The following MZF1 variants were observed in gnomAD, a reference collection of about 807,000 sequenced individuals.
MZF1 encodes the protein myeloid zinc finger 1, also known as zinc finger and SCAN domain-containing protein 6.
A neutral mutation model predicts 28.6 loss-of-function variants in MZF1; 24 were observed. The observed-to-expected ratio is 0.84, with a 90% CI of 0.61 to 1.18. The LOEUF (loss-of-function observed/expected upper bound fraction) is 1.18, where lower values mean the gene tolerates loss of function less well. Ranked by LOEUF, MZF1 falls within the 50% of genes most tolerant of loss-of-function variation. The pLI, the probability that MZF1 is intolerant of heterozygous loss-of-function variation, is 0.00. For synonymous variants in MZF1, 516 were observed against 432.5 expected (o/e 1.19, Z -2.40); for missense variants, 1,166 against 1,026.4 (o/e 1.14, Z -1.86).
chr19:58,565,661 T>C (rs2054036165), intron 5 of MZF1, among the ~76,000 whole-genome samples: 1 of 151,256 alleles, frequency 6.6e-6, no homozygotes, highest in African/African-American at 2.4e-5. Context: ...GCCACCCGAG[T>C]AGATGGGACT....
Position 58,563,450 on chromosome 19 carries a change from T to C in MZF1, c.827A>G (p.His276Arg). 6.3e-7 allele frequency: 1 copy of C among 1,582,186 alleles called. No homozygotes were observed. Among genetic ancestry groups the C allele is most frequent in the Non-Finnish European group, 8.6e-7 (1 of 1,164,044 alleles). ...ISAGPGSVSP[H>R]LHVPWDLGMA... The stretch of plus-strand genomic sequence containing the variant: ...GCCGAGGTCCCAGGGGACGTGGAGG[T>C]GAGGGCTTACACTACCTGGACCTGC... Residue 276 changes from histidine to arginine, a missense_variant, in exon 6 of 6, where the codon CAC becomes CGC. By Grantham distance (29) the His-to-Arg change is conservative. Transcript: ENST00000215057.
intron 5 of MZF1, among the ~76,000 whole-genome samples, chr19:58,565,540 T>TGTGTGC (rs2054032397): frequency 6.6e-6 from 1 of 150,812 alleles, no homozygotes; most frequent in African/African-American, 2.4e-5. Flanking sequence ...CGTGTGTGTG[T>TGTGTGC]GTGCGCACTT....
intron 5 of MZF1, among the ~76,000 whole-genome samples, chr19:58,566,045 G>A (rs1419577835): frequency 6.6e-6 from 1 of 151,760 alleles, no homozygotes; most frequent in Non-Finnish European, 1.5e-5. Context: ...GGAGGCTGAG[G>A]CAGGAGAATG....
intron 5 of MZF1, among the ~76,000 whole-genome samples, chr19:58,566,771 C>T (rs1002029792): frequency 2.0e-5 from 3 of 151,892 alleles, no homozygotes; most frequent in Non-Finnish European, 2.9e-5. Flanking sequence ...GTCAGGAGTT[C>T]AAGACCAGCC....
rs71190056 is a variant in MZF1, at chr19:58,564,902, G to GTTTTTT, written c.773-1404_773-1399dup. On this transcript the variant is annotated intron_variant, in intron 5 of 5. Transcript: ENST00000215057. ...GTGGAGAATAAGCATCCATGTGTGT[G>GTTTTTT]TTTTTTTTTTTTTTTTTTTTTTTTT... 7.1e-4 allele frequency among the ~76,000 whole-genome samples: 30 copies of GTTTTTT among 41,988 alleles called. 9 individuals are homozygous for GTTTTTT. Among genetic ancestry groups the GTTTTTT allele is most frequent in the East Asian group, 4.2e-3 (3 of 712 alleles). 27.5% of individuals were successfully genotyped at this position (41,988 alleles called of 152,430 possible). A position where few individuals can be genotyped will look rare whatever the true frequency, so the allele number is the denominator to read the frequency against.
Position 58,562,923 on chromosome 19 carries a change from G to T in MZF1, c.1354C>A (p.Arg452Ser). The change falls in exon 6 of 6, where the codon CGC becomes AGC. Residue 452 changes from arginine to serine, a missense_variant. Coordinates refer to ENST00000215057, the MANE Select transcript of MZF1 (RefSeq NM_198055.2). ...CAECGQSFRQ[R>S]SNLLQHQRIH... is the part of the protein sequence containing the mutation. Reference sequence around the variant, plus strand: ...CGCTGGTGCTGCAGCAGATTGGAGCGCTGCCGGAAGCTCTGGCCGCACTCA... The same window carrying T: ...CGCTGGTGCTGCAGCAGATTGGAGCTCTGCCGGAAGCTCTGGCCGCACTCA... 1 of 1,593,460 alleles carries T rather than the reference G, an allele frequency of 6.3e-7. No individual in the cohort carries two copies.
At position 58,570,334 on chromosome 19, in the gene MZF1, A is replaced by G; in HGVS notation, c.580+10T>C. The G allele has an allele frequency of 6.2e-7, 1 of 1,604,944 alleles. No individual in the cohort carries two copies. The highest frequency in any genetic ancestry group is 8.5e-7 in the Non-Finnish European group (1 of 1,174,694). On this transcript the variant is annotated intron_variant, in intron 3 of 5. Coordinates refer to ENST00000215057, the MANE Select transcript of MZF1 (RefSeq NM_198055.2). ...CAGACCTTAGGCGCGCCCACCGTGCATGCCCTCACCTGAGTCCTCTGTAAC... is the reference window on the plus strand; with the variant it reads ...CAGACCTTAGGCGCGCCCACCGTGCGTGCCCTCACCTGAGTCCTCTGTAAC...
At chr19:58,566,236 C>G (rs1342690556) in intron 5 of MZF1, among the ~76,000 whole-genome samples, 1 of 151,350 alleles carries the variant, frequency 6.6e-6, no homozygotes, top group African/African-American at 2.4e-5. Context: ...CACCTGAGGT[C>G]GGGAGTTCCA....
In MZF1 at chr19:58,571,022, C is replaced by A. The variant is rs1405571316; in HGVS notation, c.368G>T (p.Arg123Leu). The change falls in exon 2 of 6, where the codon CGC (arginine) becomes CTC (leucine). Residue 123 changes from arginine (R) to leucine (L), a missense_variant. Transcript: ENST00000215057. Reference protein sequence around the residue: ...EEAAALVDGLRREPGGPRRWV... With the variant: ...EEAAALVDGLLREPGGPRRWV... ...TCTCCGGGGTCCGCCCGGCTCCCGG[C>A]GCAGCCCATCTACTAGGGCAGCAGC... 2 of 1,610,540 alleles carry A rather than the reference C, an allele frequency of 1.2e-6. No homozygotes were observed. Among genetic ancestry groups the A allele is most frequent in the Admixed American group, 1.7e-5 (1 of 59,800 alleles).
Position 58,563,110 on chromosome 19 carries a change from G to A in MZF1, c.1167C>T (p.Cys389=). ...TGERPFVCSE[C]GRSFSRSSHL... is the part of the protein sequence containing the mutation. ...GCGAGCTGCGGCTGAAGCTGCGGCC[G>A]CACTCGCTGCACACGAATGGTCGCT... Residue 389 remains cysteine (C), a synonymous_variant, in exon 6 of 6, where the codon TGC becomes TGT. Transcript: ENST00000215057. 6.2e-7 allele frequency: 1 copy of A among 1,605,908 alleles called. No homozygotes were observed.
chr19:58,564,902 G>GTTTT lies in MZF1; in HGVS notation c.773-1402_773-1399dup, dbSNP rs71190056. ...GTGGAGAATAAGCATCCATGTGTGT[G>GTTTT]TTTTTTTTTTTTTTTTTTTTTTTTT... On this transcript the variant is annotated intron_variant, in intron 5 of 5. Coordinates refer to ENST00000215057, the MANE Select transcript of MZF1 (RefSeq NM_198055.2). 2.5e-3 allele frequency among the ~76,000 whole-genome samples: 107 copies of GTTTT among 41,988 alleles called. 29 individuals carry two copies. The highest frequency in any genetic ancestry group is 0.018 in the East Asian group (13 of 712). 27.5% of individuals were successfully genotyped at this position (41,988 alleles called of 152,430 possible). A position where few individuals can be genotyped will look rare whatever the true frequency, so the allele number is the denominator to read the frequency against.
chr19:58,566,019 T>C (rs763931377), intron 5 of MZF1, among the ~76,000 whole-genome samples: 1 of 151,264 alleles, frequency 6.6e-6, no homozygotes, highest in Admixed American at 6.6e-5. Context: ...CCGGCGCCTG[T>C]AGTCCCAGCT....
At chr19:58,563,597 C>T (rs1192693892) in intron 5 of MZF1, 93 bp from the exon 6 acceptor site, 3 of 1,097,286 alleles carry the variant, frequency 2.7e-6, no homozygotes, top group South Asian at 1.7e-5. Flanking sequence ...ACTACAGGGA[C>T]CTGAAACTGA....
At chr19:58,566,066 G>C (rs2054049784) in intron 5 of MZF1, among the ~76,000 whole-genome samples, 1 of 151,648 alleles carries the variant, frequency 6.6e-6, no homozygotes, top group African/African-American at 2.4e-5. Flanking sequence ...TCGTGAACCC[G>C]GGAGGCGGAG....
intron 1 of MZF1, chr19:58,572,612 G>A (rs1161480905): frequency 7.8e-7 from 1 of 1,289,532 alleles, no homozygotes; most frequent in African/African-American, 1.5e-5. Context: ...GTTTATGAAG[G>A]GGATGGCACC....
At chr19:58,572,450 G>T (rs1600111557) in intron 1 of MZF1, 1 of 948,068 alleles carries the variant, frequency 1.1e-6, no homozygotes, top group Non-Finnish European at 1.5e-6. Flanking sequence ...AAGACTGCCG[G>T]AACAGGAGCC....
chr19:58,563,760 T>C, intron 5 of MZF1: 1 of 413,678 alleles, frequency 2.4e-6, no homozygotes. Context: ...TTGGAAAAAA[T>C]CGTTTTTGGA....
chr19:58,566,115 T>TGG (rs1158538799), intron 5 of MZF1, among the ~76,000 whole-genome samples: 1 of 144,968 alleles, frequency 6.9e-6, no homozygotes, highest in Non-Finnish European at 1.5e-5. Context: ...CACTCCAGCC[T>TGG]GGGCGACAGA....
chr19:58,563,804 G>T, intron 5 of MZF1: 1 of 285,602 alleles, frequency 3.5e-6, no homozygotes, highest in South Asian at 9.1e-5. Context: ...GCATTGTCTA[G>T]GTGGAAAATG....
Sources: gnomAD v4.1 joint callset for allele counts (sites outside exome capture counted in the v4.1 genomes callset) on GRCh38, gnomAD v4.1.1 for gene constraint, MANE v1.5 for transcripts, NCBI Gene and HGNC (gene_info 2026-07-23, HGNC 2026-07-21) for gene names.